Variants in RSPH10B observed in about 807,000 individuals in gnomAD.
The protein encoded by RSPH10B is radial spoke head 10 homolog B.
Under a neutral mutation model 52.5 loss-of-function variants are expected in RSPH10B, and 7 were observed. The ratio of observed to expected loss-of-function variants is 0.13; its 90% CI spans 0.08 to 0.25. The LOEUF (loss-of-function observed/expected upper bound fraction) is 0.25. RSPH10B is among the 10% of genes least tolerant of loss of function. The probability of loss-of-function intolerance (pLI) is 1.00; values close to 1 mark genes in which losing one functional copy is unlikely to be tolerated. For synonymous variants in RSPH10B, 28 were observed against 193.2 expected (o/e 0.14, Z 7.09); for missense variants, 89 against 542.5 (o/e 0.16, Z 8.30).
chr7:5,927,045 G>GTGTGTGTA (rs71762251), intron 18 of RSPH10B, among the ~76,000 whole-genome samples: 2,235 of 122,936 alleles, frequency 0.018, 13 homozygotes, highest in African/African-American at 0.043. Flanking sequence ...GTGTGTGTGT[G>GTGTGTGTA]TATTATGTGT....
chr7:5,944,705 T>C (rs1207607929), intron 11 of RSPH10B, among the ~76,000 whole-genome samples: 2 of 146,642 alleles, frequency 1.4e-5, no homozygotes, highest in Non-Finnish European at 1.5e-5. Context: ...ACGCCTGTAA[T>C]CCCAGAACTT....
Position 5,933,401 on chromosome 7 carries a change from CA to C in RSPH10B, c.2140-527del, listed in dbSNP as rs111920150. 1.1e-4 allele frequency among the ~76,000 whole-genome samples: 12 copies of C among 105,488 alleles called. No homozygotes were observed. The East Asian group carries it at 2.2e-3, about 19-fold the overall frequency. 69.2% of individuals were successfully genotyped at this position (105,488 alleles called of 152,430 possible). The stretch of plus-strand genomic sequence containing the variant: ...ATTATGGCATTTACTGAAAGCCTCT[CA>C]AAAAAAAACCCCAAAACTTGAAAAT... On this transcript the variant is annotated intron_variant, in intron 16 of 18. Transcript: ENST00000337579.
At chr7:5,933,545 G>C (rs1267012971) in intron 16 of RSPH10B, among the ~76,000 whole-genome samples, 1 of 139,644 alleles carries the variant, frequency 7.2e-6, no homozygotes, top group African/African-American at 2.5e-5. Flanking sequence ...GGATCACAAG[G>C]TCAGGAGATC....
chr7:5,928,756 C>T (rs867789976), intron 17 of RSPH10B, among the ~76,000 whole-genome samples: 177 of 149,834 alleles, frequency 1.2e-3, no homozygotes, highest in African/African-American at 3.5e-3. Flanking sequence ...CTCAGCCTCC[C>T]GAGTAGCTAC....
At position 5,926,549 on chromosome 7, in the gene RSPH10B, C is replaced by G; in HGVS notation, c.2433-1G>C. 6.2e-7 allele frequency: 1 copy of G among 1,605,492 alleles called. No individual in the cohort carries two copies. Among genetic ancestry groups the G allele is most frequent in the Non-Finnish European group, 8.5e-7 (1 of 1,173,476 alleles). Reference sequence around the variant, plus strand: ...CTCTCTCAAGATGAAGATGTTCAGCCTAAAAGCAAACATGAGAAGGTGGTA... The same window carrying G: ...CTCTCTCAAGATGAAGATGTTCAGCGTAAAAGCAAACATGAGAAGGTGGTA... On this transcript the variant is annotated splice_acceptor_variant, in intron 18 of 18. Transcript: ENST00000337579. LOFTEE classifies it high-confidence loss of function.
At chr7:5,931,454 G>A (rs146422828) in intron 17 of RSPH10B, among the ~76,000 whole-genome samples, 4,113 of 150,082 alleles carry the variant, frequency 0.027, 104 homozygotes, top group Non-Finnish European at 0.042. Flanking sequence ...GGCCAGGCGC[G>A]GTGGCTCACA....
chr7:5,928,546 A>G (rs1772843092), intron 17 of RSPH10B, 152 bp from the exon 20 acceptor site: 15 of 1,098,814 alleles, frequency 1.4e-5, no homozygotes, highest in Admixed American at 1.9e-5. Flanking sequence ...TTCCATGACC[A>G]CCTGGAACAA....
intron 13 of RSPH10B, among the ~76,000 whole-genome samples, chr7:5,943,009 G>A (rs1247465813): frequency 3.4e-5 from 5 of 146,708 alleles, no homozygotes; most frequent in Non-Finnish European, 7.5e-5. Flanking sequence ...CAGGTGATCC[G>A]CCCACCTCGG....
chr7:5,963,274 G>GT (rs1199218119), intron 3 of RSPH10B: 6 of 140,168 alleles, frequency 4.3e-5, no homozygotes, highest in Non-Finnish European at 9.5e-5. Flanking sequence ...GGGATGTCGC[G>GT]TGGGAAGGGA....
At chr7:5,957,781 C>G in intron 6 of RSPH10B, 126 bp downstream of exon 8, 1 of 1,342,244 alleles carries the variant, frequency 7.5e-7, no homozygotes, top group Non-Finnish European at 9.7e-7. Context: ...GGGAGACAGA[C>G]AGAGAGAGAC....
intron 17 of RSPH10B, among the ~76,000 whole-genome samples, chr7:5,928,728 T>C (rs59670327): frequency 0.12 from 17,981 of 147,528 alleles, 346 homozygotes; most frequent in Middle Eastern, 0.18. Context: ...ACCTCCTGGG[T>C]TCAAGCGATT....
chr7:5,927,957 C>G (rs1407076578), intron 18 of RSPH10B: 1 of 819,724 alleles, frequency 1.2e-6, no homozygotes, highest in Middle Eastern at 3.7e-4. Context: ...AAACTAGAAA[C>G]TAAGACCAAA....
intron 18 of RSPH10B, among the ~76,000 whole-genome samples, chr7:5,927,088 G>GTATATATATA (rs1779524488): frequency 2.8e-5 from 2 of 70,604 alleles, no homozygotes; most frequent in African/African-American, 1.1e-4. Context: ...GTGTGTGTGT[G>GTATATATATA]TGTGTGTGTA....
rs1358081961 is a variant in RSPH10B at position 5,928,363 on chromosome 7, C to T, written c.2265G>A (p.Glu755=). The T allele has an allele frequency of 3.1e-6, 5 of 1,613,252 alleles. No individual in the cohort carries two copies. In the Middle Eastern group the frequency reaches 5.0e-4, roughly 160 times the overall value. The change falls in exon 18 of 19, where the codon GAG becomes GAA. Residue 755 remains glutamate (E), a synonymous_variant. Coordinates refer to ENST00000337579, the Ensembl canonical transcript of RSPH10B. ...TATTGACCCACGTGTTGAACTCTTCCTCTCGATCATCCTTGGGTCTCTCAT... is the reference window on the plus strand; with the variant it reads ...TATTGACCCACGTGTTGAACTCTTCTTCTCGATCATCCTTGGGTCTCTCAT...
chr7:5,937,628 G>A lies in RSPH10B; in HGVS notation c.2010+130C>T, dbSNP rs1403093392. On this transcript the variant is annotated intron_variant, in intron 15 of 18. Coordinates refer to ENST00000337579, the Ensembl canonical transcript of RSPH10B. ...TCACCACGTTAGCCAGGATGGTCTC[G>A]ATCTTCTGACCTCGTGATCCGCCCG... is the stretch of plus-strand genomic sequence containing the variant. 17 of 645,858 alleles carry A rather than the reference G, an allele frequency of 2.6e-5. 2 individuals are homozygous for A. Among genetic ancestry groups the A allele is most frequent in the Middle Eastern group, 9.4e-4 (2 of 2,118 alleles). The allele number at this position is 645,858 out of a possible 1,614,324, so 40.0% of individuals were successfully genotyped here.
chr7:5,941,775 C>G (rs1458663367), intron 13 of RSPH10B, among the ~76,000 whole-genome samples: 55 of 140,740 alleles, frequency 3.9e-4, no homozygotes, highest in African/African-American at 1.4e-3. Flanking sequence ...CAAAAACAAC[C>G]AATAGTTAGT....
intron 13 of RSPH10B, among the ~76,000 whole-genome samples, chr7:5,941,284 AGAGT>A (rs1379314932): frequency 7.0e-6 from 1 of 142,516 alleles, no homozygotes; most frequent in Non-Finnish European, 1.6e-5. Flanking sequence ...CCTGGGTGAC[AGAGT>A]GAGAACCTTG....
Position 5,956,607 on chromosome 7 carries a change from TG to T in RSPH10B, c.781-427del, listed in dbSNP as rs1467318354. The stretch of plus-strand genomic sequence containing the variant: ...TATTTTTTGAGAAAGGGTCTCACTC[TG>T]TTACCCAGGCTAGAGTATGGCACAA... On this transcript the variant is annotated intron_variant, in intron 6 of 18. Coordinates refer to ENST00000337579, the Ensembl canonical transcript of RSPH10B. Among the ~76,000 whole-genome samples, 253 of 148,824 alleles carry T rather than the reference TG, an allele frequency of 1.7e-3. 2 individuals carry two copies. The highest frequency in any genetic ancestry group is 5.4e-3 in the African/African-American group (223 of 40,928).
intron 7 of RSPH10B, among the ~76,000 whole-genome samples, chr7:5,954,102 A>G (rs1377551439): frequency 9.0e-6 from 1 of 111,374 alleles, no homozygotes; most frequent in Admixed American, 1.0e-4. Context: ...CTCAGCCTCC[A>G]AAAGTGTTGG....
Sources: gnomAD v4.1 joint callset for allele counts (sites outside exome capture counted in the v4.1 genomes callset) on GRCh38, gnomAD v4.1.1 for gene constraint, MANE v1.5 for transcripts, NCBI Gene and HGNC (gene_info 2026-07-23, HGNC 2026-07-21) for gene names.